Variants in ANAPC16 observed in about 807,000 individuals in gnomAD.
ANAPC16 encodes the protein anaphase promoting complex subunit 16, also known as anaphase-promoting complex subunit 16.
Under a neutral mutation model 13.1 loss-of-function variants are expected in ANAPC16, and 6 were observed. The observed-to-expected ratio is 0.46, with a 90% CI of 0.25 to 0.90. The LOEUF is 0.90. Among genes scored for constraint, ANAPC16 ranks in the 40% least tolerant of loss-of-function variants. The probability of loss-of-function intolerance (pLI) is 0.18; values close to 1 mark genes in which losing one functional copy is unlikely to be tolerated. For synonymous variants in ANAPC16, 55 were observed against 51.3 expected, an observed-to-expected ratio of 1.07 and a Z score of -0.31; for missense variants, 113 against 131.1, an observed-to-expected ratio of 0.86 and a Z score of 0.67.
At position 72,218,145 on chromosome 10, in the gene ANAPC16, C is replaced by CAAAAAAAAAAAAAAAAAAAAA. The variant is rs142932037; in HGVS notation, c.-28+2008_-28+2028dup. On this transcript the variant is annotated intron_variant, in intron 1 of 3. Transcript: ENST00000299381. ...GGGCAACAAGAGTGAAACTCTGTCTCAAAAAAAAAAAAAAAAAAAAATATA... is the reference window on the plus strand; with the variant it reads ...GGGCAACAAGAGTGAAACTCTGTCTCAAAAAAAAAAAAAAAAAAAAAAAAAAAAAAAAAAAAAAAAAATATA... Among the ~76,000 whole-genome samples the CAAAAAAAAAAAAAAAAAAAAA allele has an allele frequency of 1.7e-4, 6 of 34,878 alleles. 1 individual carries two copies. The highest frequency in any genetic ancestry group is 1.2e-3 in the African/African-American group (5 of 4,214). The allele number at this position is 34,878 out of a possible 152,430, so 22.9% of individuals were successfully genotyped here. A position where few individuals can be genotyped will look rare whatever the true frequency, so the allele number is the denominator to read the frequency against.
chr10:72,231,574 T>C (rs60864562), intron 3 of ANAPC16, among the ~76,000 whole-genome samples: 5,908 of 152,232 alleles, frequency 0.039, 390 homozygotes, highest in African/African-American at 0.14. Flanking sequence ...TTTTATTTTT[T>C]GAGACGGAGT....
At chr10:72,231,335 C>T (rs1860295070) in intron 3 of ANAPC16, among the ~76,000 whole-genome samples, 1 of 151,970 alleles carries the variant, frequency 6.6e-6, no homozygotes, top group African/African-American at 2.4e-5. Context: ...CCCAGGAGTT[C>T]AAGACTGACC....
intron 3 of ANAPC16, among the ~76,000 whole-genome samples, chr10:72,232,577 G>C (rs1212313689): frequency 1.7e-5 from 2 of 117,762 alleles, no homozygotes; most frequent in Non-Finnish European, 3.5e-5. Flanking sequence ...AAAAGAGAGA[G>C]AATCTTGAGG....
At chr10:72,230,616 C>T (rs1461720693) in intron 3 of ANAPC16, among the ~76,000 whole-genome samples, 176 bp downstream of exon 3, 1 of 152,104 alleles carries the variant, frequency 6.6e-6, no homozygotes, top group Non-Finnish European at 1.5e-5. Context: ...AGGTTGGGGC[C>T]GAGTGCAGTG....
intron 3 of ANAPC16, among the ~76,000 whole-genome samples, chr10:72,231,453 G>A (rs759101767): frequency 5.3e-5 from 8 of 151,942 alleles, no homozygotes; most frequent in Non-Finnish European, 1.2e-4. Context: ...GAGTTGGGAC[G>A]ATCGCTTCAG....
In ANAPC16 at chr10:72,223,899, C is replaced by A; in HGVS notation, c.-16C>A. 6.4e-7 allele frequency: 1 copy of A among 1,570,386 alleles called. No homozygotes were observed. The highest frequency in any genetic ancestry group is 8.7e-7 in the Non-Finnish European group (1 of 1,151,106). ...TTCTTTCTCTGTAGTGAAGTAAGAA[C>A]TCTGCTAGAGAGGAAATGGCTGCTT... On this transcript the variant is annotated 5_prime_UTR_variant, in exon 2 of 4. Coordinates refer to ENST00000299381, the MANE Select transcript of ANAPC16 (RefSeq NM_173473.4).
chr10:72,222,738 C>T (rs941973985), intron 1 of ANAPC16, among the ~76,000 whole-genome samples: 10 of 152,242 alleles, frequency 6.6e-5, no homozygotes, highest in Non-Finnish European at 1.5e-4. Context: ...TATCATGCCA[C>T]TGCACTCTAG....
chr10:72,232,297 C>A (rs1157467542), intron 3 of ANAPC16, among the ~76,000 whole-genome samples: 2 of 151,296 alleles, frequency 1.3e-5, no homozygotes, highest in Admixed American at 1.3e-4. Flanking sequence ...GTAATCCCAG[C>A]ACTTTGGGAG....
Position 72,234,442 on chromosome 10 carries a change from G to A in ANAPC16, c.*1326G>A, listed in dbSNP as rs891721037. Reference sequence around the variant, plus strand: ...CATGAGCCACCGCGCCTGGCCTCAAGTAAGTTTTTATACCATGATAGGGGA... The same window carrying A: ...CATGAGCCACCGCGCCTGGCCTCAAATAAGTTTTTATACCATGATAGGGGA... On this transcript the variant is annotated 3_prime_UTR_variant, in exon 4 of 4. Transcript: ENST00000299381. 1.3e-5 allele frequency: 2 copies of A among 152,154 alleles called. No individual in the cohort carries two copies. The highest frequency in any genetic ancestry group is 4.8e-5 in the African/African-American group (2 of 41,430). 9.4% of individuals were successfully genotyped at this position (152,154 alleles called of 1,614,324 possible). A position where few individuals can be genotyped will look rare whatever the true frequency, so the allele number is the denominator to read the frequency against.
chr10:72,225,292 TATAA>T (rs760806693), intron 2 of ANAPC16, among the ~76,000 whole-genome samples: 5 of 150,974 alleles, frequency 3.3e-5, no homozygotes, highest in South Asian at 2.1e-4. Context: ...CAAAAATATA[TATAA>T]ATAAATAAAT....
chr10:72,226,751 C>T (rs1345674284), intron 2 of ANAPC16, among the ~76,000 whole-genome samples: 2 of 151,852 alleles, frequency 1.3e-5, no homozygotes, highest in African/African-American at 2.4e-5. Context: ...AAAAGAGTTA[C>T]GGGTTAAGCC....
At chr10:72,227,410 A>C (rs1176359287) in intron 2 of ANAPC16, among the ~76,000 whole-genome samples, 1 of 152,194 alleles carries the variant, frequency 6.6e-6, no homozygotes, top group East Asian at 1.9e-4. Flanking sequence ...GTATAAATAC[A>C]CAGTGCACAG....
chr10:72,232,500 C>T (rs1044982443), intron 3 of ANAPC16, among the ~76,000 whole-genome samples: 15 of 151,048 alleles, frequency 9.9e-5, no homozygotes, highest in Non-Finnish European at 1.6e-4. Context: ...GCCGAGATCG[C>T]GCCATTGCAC....
At chr10:72,220,047 T>G (rs533899994) in intron 1 of ANAPC16, 1 of 152,102 alleles carries the variant, frequency 6.6e-6, no homozygotes. Flanking sequence ...TCAAAAAACA[T>G]GGCCAGGTGC....
chr10:72,222,765 G>A (rs887004128), intron 1 of ANAPC16, among the ~76,000 whole-genome samples: 4 of 152,224 alleles, frequency 2.6e-5, no homozygotes, highest in East Asian at 3.8e-4. Flanking sequence ...CGACAAGAGC[G>A]AGACTCCGTC....
intron 1 of ANAPC16, chr10:72,219,973 A>G (rs1217847124): frequency 2.0e-5 from 3 of 152,148 alleles, no homozygotes; most frequent in Non-Finnish European, 2.9e-5. Flanking sequence ...TTTCCTTACT[A>G]GGAATCTGGA....
chr10:72,222,605 C>T (rs1225764401), intron 1 of ANAPC16, among the ~76,000 whole-genome samples: 5 of 149,696 alleles, frequency 3.3e-5, no homozygotes, highest in South Asian at 2.1e-4. Flanking sequence ...GGTGAAACCC[C>T]GTGCCTACTA....
At chr10:72,228,784 T>A (rs1268435942) in intron 2 of ANAPC16, among the ~76,000 whole-genome samples, 1 of 152,220 alleles carries the variant, frequency 6.6e-6, no homozygotes, top group Admixed American at 6.6e-5. Context: ...AATGCAGAGG[T>A]TCCTTTTTGA....
At chr10:72,232,224 G>C (rs1401578630) in intron 3 of ANAPC16, among the ~76,000 whole-genome samples, 2 of 143,974 alleles carry the variant, frequency 1.4e-5, no homozygotes, top group Non-Finnish European at 1.5e-5. Flanking sequence ...TTAAGCTTCT[G>C]ACCAGCATAG....
Sources: gnomAD v4.1 joint callset for allele counts (sites outside exome capture counted in the v4.1 genomes callset) on GRCh38, gnomAD v4.1.1 for gene constraint, MANE v1.5 for transcripts, NCBI Gene and HGNC (gene_info 2026-07-23, HGNC 2026-07-21) for gene names.